LDLRAD4: variants seen among roughly 807,000 people sequenced by gnomAD.
The protein encoded by LDLRAD4 is low density lipoprotein receptor class A domain containing 4.
LDLRAD4 carries 5 observed loss-of-function variants against 17.0 expected under a neutral mutation model. That is an observed-to-expected ratio of 0.29 (90% CI 0.15 to 0.62). LDLRAD4 has a LOEUF of 0.62. LDLRAD4 is among the 20% of genes least tolerant of loss of function. The pLI is 0.84. For synonymous variants in LDLRAD4, 168 were observed against 171.8 expected (o/e 0.98, Z 0.17); for missense variants, 340 against 424.7 (o/e 0.80, Z 1.75).
At chr18:13,642,647 C>T (rs1163940060) in intron 4 of LDLRAD4, 22 of 1,230,956 alleles carry the variant, frequency 1.8e-5, no homozygotes, top group East Asian at 3.2e-5. Flanking sequence ...GGGCAGGGCA[C>T]GGGCGGGCCC....
chr18:13,355,330 G>A (rs1205934752), intron 1 of LDLRAD4, among the ~76,000 whole-genome samples: 5 of 152,182 alleles, frequency 3.3e-5, no homozygotes, highest in Non-Finnish European at 2.9e-5. Context: ...CTTTCCATCT[G>A]GATAACTTGG....
At chr18:13,319,587 G>A (rs2081113323) in intron 1 of LDLRAD4, among the ~76,000 whole-genome samples, 1 of 152,202 alleles carries the variant, frequency 6.6e-6, no homozygotes, top group Admixed American at 6.5e-5. Context: ...ATTTTTGTGT[G>A]TGCGTGTTTT....
intron 3 of LDLRAD4, chr18:13,491,714 G>A (rs2093361967): frequency 6.6e-6 from 1 of 152,144 alleles, no homozygotes; most frequent in South Asian, 2.1e-4. Flanking sequence ...AAGTGGCCCG[G>A]CAGGGACTTT....
intron 3 of LDLRAD4, among the ~76,000 whole-genome samples, chr18:13,588,029 C>T (rs761282007): frequency 3.3e-5 from 5 of 152,024 alleles, no homozygotes; most frequent in Non-Finnish European, 5.9e-5. Context: ...TTGTATGAGT[C>T]GCACCATTTT....
intron 3 of LDLRAD4, among the ~76,000 whole-genome samples, chr18:13,532,204 C>T (rs572876327): frequency 5.9e-5 from 9 of 152,262 alleles, no homozygotes; most frequent in Non-Finnish European, 1.3e-4. Flanking sequence ...ATGCGGTGGA[C>T]GGCTCCTGCA....
At chr18:13,223,367 C>G (rs769962929) in intron 1 of LDLRAD4, among the ~76,000 whole-genome samples, 22 of 152,204 alleles carry the variant, frequency 1.4e-4, no homozygotes, top group Non-Finnish European at 2.6e-4. Context: ...TCGCGAGGAC[C>G]CTCTGCAGAT....
chr18:13,501,761 G>C (rs371167733), intron 3 of LDLRAD4, among the ~76,000 whole-genome samples: 8 of 152,148 alleles, frequency 5.3e-5, no homozygotes, highest in South Asian at 2.1e-4. Context: ...CCCTCTCTCT[G>C]AGAGCCAGGG....
chr18:13,290,273 A>G (rs887374447), intron 1 of LDLRAD4, among the ~76,000 whole-genome samples: 2 of 152,244 alleles, frequency 1.3e-5, no homozygotes, highest in Non-Finnish European at 2.9e-5. Context: ...CTGGTTTTCC[A>G]TAGAAAAGTA....
chr18:13,308,390 A>G (rs56715081), intron 1 of LDLRAD4, among the ~76,000 whole-genome samples: 1,556 of 152,310 alleles, frequency 0.01, 16 homozygotes, highest in African/African-American at 0.028. Context: ...CTTAATTTCA[A>G]TTCTCAAACA....
chr18:13,556,504 A>G (rs1418083961), intron 3 of LDLRAD4, among the ~76,000 whole-genome samples: 1 of 152,238 alleles, frequency 6.6e-6, no homozygotes, highest in Non-Finnish European at 1.5e-5. Flanking sequence ...GCCCGAATCC[A>G]GAGAGGCTTT....
chr18:13,365,255 G>T (rs2083972930), intron 1 of LDLRAD4, among the ~76,000 whole-genome samples: 1 of 152,178 alleles, frequency 6.6e-6, no homozygotes, highest in Admixed American at 6.5e-5. Flanking sequence ...TTGAGAGCTG[G>T]TTCCATGAGA....
intron 2 of LDLRAD4, among the ~76,000 whole-genome samples, chr18:13,388,446 G>C (rs1036625164): frequency 1.3e-5 from 2 of 152,234 alleles, no homozygotes; most frequent in East Asian, 1.9e-4. Context: ...ACTGGGCTCC[G>C]TGACATTGAG....
chr18:13,224,739 C>T (rs2041676304), intron 1 of LDLRAD4, among the ~76,000 whole-genome samples: 1 of 151,846 alleles, frequency 6.6e-6, no homozygotes, highest in South Asian at 2.1e-4. Context: ...CTTGGCCTCC[C>T]AAAGTGCTGA....
At chr18:13,254,992 A>G (rs1222362329) in intron 1 of LDLRAD4, among the ~76,000 whole-genome samples, 1 of 152,206 alleles carries the variant, frequency 6.6e-6, no homozygotes, top group Admixed American at 6.5e-5. Flanking sequence ...GAAAAACCCA[A>G]TTCTTCTTGT....
At chr18:13,428,294 G>A (rs2090093219) in intron 2 of LDLRAD4, among the ~76,000 whole-genome samples, 2 of 152,150 alleles carry the variant, frequency 1.3e-5, no homozygotes, top group Non-Finnish European at 2.9e-5. Context: ...AAGGCCTGAT[G>A]AAAGTGAGGG....
At chr18:13,614,701 T>C (rs944610658) in intron 3 of LDLRAD4, 2 of 152,126 alleles carry the variant, frequency 1.3e-5, no homozygotes, top group Non-Finnish European at 2.9e-5. Flanking sequence ...GAGGCAATTA[T>C]AGTCTAAGTA....
At chr18:13,406,026 T>A (rs982127389) in intron 2 of LDLRAD4, among the ~76,000 whole-genome samples, 1 of 152,262 alleles carries the variant, frequency 6.6e-6, no homozygotes, top group Admixed American at 6.5e-5. Flanking sequence ...AACAGCGATA[T>A]CACATTTCTT....
At chr18:13,370,100 A>G (rs1402898864) in intron 1 of LDLRAD4, among the ~76,000 whole-genome samples, 2 of 152,248 alleles carry the variant, frequency 1.3e-5, no homozygotes, top group Non-Finnish European at 2.9e-5. Flanking sequence ...CCACACAGGG[A>G]GCTGTGTCCA....
At chr18:13,384,347 A>G (rs2085624924) in intron 1 of LDLRAD4, among the ~76,000 whole-genome samples, 1 of 152,266 alleles carries the variant, frequency 6.6e-6, no homozygotes. Context: ...ATATGTATGC[A>G]TGGTAGAAAT....
Sources: allele counts gnomAD v4.1 joint callset (sites outside exome capture counted in the v4.1 genomes callset), GRCh38; gene constraint gnomAD v4.1.1; transcripts MANE v1.5; gene names NCBI Gene and HGNC (gene_info 2026-07-23, HGNC 2026-07-21).